GRHL3: variants seen among roughly 807,000 people sequenced by gnomAD.
GRHL3 encodes the protein grainyhead like transcription factor 3.
In GRHL3, 20 loss-of-function variants were observed where a neutral mutation model predicts 70.3. The ratio of observed to expected loss-of-function variants is 0.28; its 90% CI spans 0.20 to 0.41. The LOEUF is 0.41. Among genes scored for constraint, GRHL3 ranks in the 10% least tolerant of loss-of-function variants. The probability of loss-of-function intolerance (pLI) is 1.00; values close to 1 mark genes in which losing one functional copy is unlikely to be tolerated. For synonymous variants in GRHL3, 299 were observed against 299.9 expected (o/e 1.00, Z 0.03); for missense variants, 637 against 762.3 (o/e 0.84, Z 1.94).
In GRHL3 at chr1:24,322,400, G is replaced by C. The variant is rs1044252446; in HGVS notation, c.17+2832G>C. Among the ~76,000 whole-genome samples the C allele has an allele frequency of 6.6e-6, 1 of 152,244 alleles. No individual in the cohort carries two copies. Among genetic ancestry groups the C allele is most frequent in the African/African-American group, 2.4e-5 (1 of 41,460 alleles). On this transcript the variant is annotated intron_variant, in intron 1 of 15. Transcript: ENST00000361548. This position sits in a 1 kb window ranked among gnomAD's most constrained non-coding sequence, Gnocchi z 4.4. ...CTGGAGCGCTGAAAGAGTTAATCAG[G>C]AACGCCTCCCCGCTGTGGTTTTGTG...
intron 8 of GRHL3, among the ~76,000 whole-genome samples, chr1:24,341,812 C>G (rs1032064730): frequency 1.3e-5 from 2 of 152,234 alleles, no homozygotes; most frequent in Admixed American, 1.3e-4. Flanking sequence ...ACCCCTTGGG[C>G]TGCCCTTGGC....
Position 24,331,487 on chromosome 1 carries a change from A to G in GRHL3, c.79A>G (p.Ser27Gly). Residue 27 changes from serine to glycine, a missense_variant, in exon 2 of 16, where the codon AGT becomes GGT. Ser to Gly is a moderately conservative substitution (Grantham distance 56, BLOSUM62 0). Coordinates refer to ENST00000361548, the MANE Select transcript of GRHL3 (RefSeq NM_198173.3). ...CAACTTGCAGAAATTCTCTTACACT[A>G]GTGAGGATGAGGCCTGGAAGACGTA... ...PVNLQKFSYT[S>G]EDEAWKTYLE... The G allele has an allele frequency of 6.2e-7, 1 of 1,614,062 alleles. No individual in the cohort carries two copies. The highest frequency in any genetic ancestry group is 1.3e-5 in the African/African-American group (1 of 75,046).
rs768127778 is a variant in GRHL3 at position 24,364,268 on chromosome 1, GGAACATGGGTTTTGGA to G, written c.1781_1796del (p.Asn594MetfsTer25). 3 of 1,549,052 alleles carry G rather than the reference GGAACATGGGTTTTGGA, an allele frequency of 1.9e-6. No individual in the cohort carries two copies. Among genetic ancestry groups the G allele is most frequent in the East Asian group, 4.9e-5 (2 of 40,732 alleles). ...TGTTCCCATCCTGTGACTCAAGTGA[GGAACATGGGTTTTGGA>G]GATGGATTTTGGAGGCAGAGGGACC... On this transcript the variant is annotated frameshift_variant, in exon 16 of 16. Coordinates refer to the GRHL3 transcript ENST00000350501. LOFTEE classifies it low-confidence loss of function (END_TRUNC).
chr1:24,353,040 C>G (rs772574884), intron 15 of GRHL3, among the ~76,000 whole-genome samples: 1 of 152,214 alleles, frequency 6.6e-6, no homozygotes, highest in Non-Finnish European at 1.5e-5. Context: ...TTTTGCCTTC[C>G]TTCTATCTGC....
At chr1:24,330,565 G>A (rs542734670) in intron 1 of GRHL3, among the ~76,000 whole-genome samples, 1 of 152,336 alleles carries the variant, frequency 6.6e-6, no homozygotes, top group South Asian at 2.1e-4. Context: ...CGCATGGCCA[G>A]TGTTCAATAA....
At chr1:24,333,939 A>G (rs966938968) in intron 2 of GRHL3, among the ~76,000 whole-genome samples, 4 of 152,358 alleles carry the variant, frequency 2.6e-5, no homozygotes, top group Admixed American at 2.0e-4. Context: ...TTAAGTAGGT[A>G]TTATAACCAC....
intron 15 of GRHL3, among the ~76,000 whole-genome samples, chr1:24,360,401 G>A (rs1641027397): frequency 1.3e-5 from 2 of 152,100 alleles, no homozygotes; most frequent in Admixed American, 6.5e-5. Context: ...AGCCAAGACC[G>A]CACTACTGCA....
rs556343979 is a variant in GRHL3 at position 24,363,074 on chromosome 1, C to T, written c.1695-1111C>T. ...GAAATTACAGCTGGAACAAATCAACCATTATATGAGGTCACCCCATCACTG... is the reference window on the plus strand; with the variant it reads ...GAAATTACAGCTGGAACAAATCAACTATTATATGAGGTCACCCCATCACTG... On this transcript the variant is annotated intron_variant, in intron 15 of 15. Coordinates refer to the GRHL3 transcript ENST00000350501. 3.9e-5 allele frequency among the ~76,000 whole-genome samples: 6 copies of T among 152,262 alleles called. No individual in the cohort carries two copies. The South Asian group carries it at 1.2e-3, about 32-fold the overall frequency.
intron 14 of GRHL3, among the ~76,000 whole-genome samples, chr1:24,348,327 C>T (rs772596112): frequency 1.3e-5 from 2 of 152,186 alleles, no homozygotes; most frequent in Non-Finnish European, 2.9e-5. Context: ...CCTCATTTCC[C>T]GCAAGGACAC....
chr1:24,331,671 G>A lies in GRHL3; in HGVS notation c.204+59G>A, dbSNP rs537890085. On this transcript the variant is annotated intron_variant, in intron 2 of 15. Coordinates refer to ENST00000361548, the MANE Select transcript of GRHL3 (RefSeq NM_198173.3). Reference sequence around the variant, plus strand: ...GACTGAATGGGTGTCTTCACTTCAGGCCTCATGGCTCAGCAGCCCACCATG... The same window carrying A: ...GACTGAATGGGTGTCTTCACTTCAGACCTCATGGCTCAGCAGCCCACCATG... 16 of 1,481,214 alleles carry A rather than the reference G, an allele frequency of 1.1e-5. No homozygotes were observed. The African/African-American group carries it at 1.1e-4, about 10-fold the overall frequency. The allele number at this position is 1,481,214 out of a possible 1,614,324, so 91.8% of individuals were successfully genotyped here. A position where few individuals can be genotyped will look rare whatever the true frequency, so the allele number is the denominator to read the frequency against.
Position 24,336,120 on chromosome 1 carries a change from C to T in GRHL3, c.267-362C>T, listed in dbSNP as rs545151374. On this transcript the variant is annotated intron_variant, in intron 3 of 15. Coordinates refer to ENST00000361548, the MANE Select transcript of GRHL3 (RefSeq NM_198173.3). ...CACCCTCCCCACTTTGTACACACCC[C>T]GCTAGGGTTGACTCAATACAGTTGT... Among the ~76,000 whole-genome samples, 13 of 152,248 alleles carry T rather than the reference C, an allele frequency of 8.5e-5. No individual in the cohort carries two copies. The East Asian group carries it at 1.2e-3, about 14-fold the overall frequency.
Position 24,342,963 on chromosome 1 carries a change from G to A in GRHL3, c.1357G>A (p.Glu453Lys). Residue 453 changes from glutamate to lysine, a missense_variant, in exon 11 of 16, where the codon GAG (glutamate) becomes AAG (lysine). Physicochemically the swap from Glu to Lys is moderately conservative, Grantham distance 56 (BLOSUM62 1). Coordinates refer to ENST00000361548, the MANE Select transcript of GRHL3 (RefSeq NM_198173.3). The surrounding 1 kb of genome is among the most constrained non-coding windows in gnomAD (Gnocchi z 4.8). The stretch of plus-strand genomic sequence containing the variant: ...CTACCTTCGGCCAGAGACTGACCTG[G>A]AGACGCCACCCGTGCTGTTCATCCC... The part of the protein sequence containing the change: ...TTYLRPETDL[E>K]TPPVLFIPNV... 1 of 1,614,106 alleles carries A rather than the reference G, an allele frequency of 6.2e-7. No homozygotes were observed. The highest frequency in any genetic ancestry group is 8.5e-7 in the Non-Finnish European group (1 of 1,180,028).
intron 7 of GRHL3, among the ~76,000 whole-genome samples, chr1:24,338,979 T>A (rs1293197524): frequency 6.6e-6 from 1 of 152,210 alleles, no homozygotes; most frequent in East Asian, 1.9e-4. Flanking sequence ...TCCTACTACT[T>A]TTGCTACTGC....
At chr1:24,328,614 A>G (rs1211348571) in intron 1 of GRHL3, among the ~76,000 whole-genome samples, 2 of 152,132 alleles carry the variant, frequency 1.3e-5, no homozygotes, top group Admixed American at 6.5e-5. Flanking sequence ...GATAATGGTC[A>G]ACCCCTAGAG....
intron 14 of GRHL3, 23 bp downstream of exon 14, chr1:24,347,576 C>T: frequency 6.4e-7 from 1 of 1,572,884 alleles, no homozygotes; most frequent in Non-Finnish European, 8.8e-7. Context: ...TGGACCCCGC[C>T]CCCCATGGCA....
chr1:24,331,516 A>G lies in GRHL3; in HGVS notation c.108A>G (p.Leu36=), dbSNP rs1405709693. 6.2e-7 allele frequency: 1 copy of G among 1,614,204 alleles called. No individual in the cohort carries two copies. The highest frequency in any genetic ancestry group is 1.1e-5 in the South Asian group (1 of 91,070). The change falls in exon 2 of 16, where the codon CTA becomes CTG. Residue 36 remains leucine (L), a synonymous_variant. Transcript: ENST00000361548. ...AGGATGAGGCCTGGAAGACGTACCT[A>G]GAAAACCCGTTGACAGCTGCCACAA... ...TSEDEAWKTY[L]ENPLTAATKA...
At chr1:24,364,167 G>A (rs773826784) in intron 15 of GRHL3, 141 of 1,487,880 alleles carry the variant, frequency 9.5e-5, no homozygotes, top group South Asian at 2.8e-4. Context: ...AATTCTTGAC[G>A]TTCTCACTTT....
intron 7 of GRHL3, among the ~76,000 whole-genome samples, chr1:24,339,338 C>T (rs150886050): frequency 1.1e-3 from 172 of 151,668 alleles, no homozygotes; most frequent in Middle Eastern, 3.4e-3. Context: ...TGCAGTGGCG[C>T]GATCTCGGCT....
rs1268109235 is a variant in GRHL3 at position 24,322,841 on chromosome 1, A to C, written c.17+3273A>C. On this transcript the variant is annotated intron_variant, in intron 1 of 15. Coordinates refer to ENST00000361548, the MANE Select transcript of GRHL3 (RefSeq NM_198173.3). This position sits in a 1 kb window ranked among gnomAD's most constrained non-coding sequence, Gnocchi z 4.4. The stretch of plus-strand genomic sequence containing the variant: ...CTGACATTGTGTCGAGTGCTTGATA[A>C]ATACACGCTCTTCTTTAAACCCTCC... 1.3e-5 allele frequency among the ~76,000 whole-genome samples: 2 copies of C among 152,232 alleles called. No homozygotes were observed. Among genetic ancestry groups the C allele is most frequent in the Admixed American group, 1.3e-4 (2 of 15,288 alleles).
Sources: allele counts gnomAD v4.1 joint callset (sites outside exome capture counted in the v4.1 genomes callset), GRCh38; gene constraint gnomAD v4.1.1; non-coding constraint Gnocchi (gnomAD v3.1); transcripts MANE v1.5; gene names NCBI Gene and HGNC (gene_info 2026-07-23, HGNC 2026-07-21).